Variants in ECT2 observed in about 807,000 individuals in gnomAD.
ECT2 encodes epithelial cell transforming 2, also known as protein ECT2.
In ECT2, 61 loss-of-function variants were observed where a neutral mutation model predicts 116.9. The ratio of observed to expected loss-of-function variants is 0.52; its 90% CI spans 0.42 to 0.65. The LOEUF (loss-of-function observed/expected upper bound fraction) is 0.65. Ranked by LOEUF, ECT2 falls within the 30% of genes least tolerant of loss-of-function variation. The pLI is 0.00. For synonymous variants in ECT2, 358 were observed against 346.4 expected, an observed-to-expected ratio of 1.03 and a Z score of -0.37; for missense variants, 937 against 1,078.7, an observed-to-expected ratio of 0.87 and a Z score of 1.84.
At chr3:172,794,405 C>T (rs1160436437) in intron 18 of ECT2, among the ~76,000 whole-genome samples, 3 of 152,116 alleles carry the variant, frequency 2.0e-5, no homozygotes, top group African/African-American at 7.2e-5. Context: ...AATCAGTTGA[C>T]CATAAATGTA....
At position 172,805,716 on chromosome 3, in the gene ECT2, A is replaced by T. The variant is rs1560013978; in HGVS notation, c.2107-15A>T. On this transcript the variant is annotated splice_polypyrimidine_tract_variant and intron_variant, in intron 20 of 24. Coordinates refer to ENST00000392692, the MANE Select transcript of ECT2 (RefSeq NM_001258315.2). ...TCATTTTATTGACTGATACTTTTTT[A>T]TTTTCTATAATCAGATAGCAAGAAA... is the stretch of plus-strand genomic sequence containing the variant. 2.5e-6 allele frequency: 4 copies of T among 1,606,618 alleles called. No individual in the cohort carries two copies. In the Admixed American group the frequency reaches 5.2e-5, roughly 21 times the overall value.
chr3:172,825,398 G>A (rs1730817016), downstream of ECT2, among the ~76,000 whole-genome samples: 1 of 152,100 alleles, frequency 6.6e-6, no homozygotes, highest in African/African-American at 2.4e-5. Flanking sequence ...TAAACTTAGT[G>A]AGGGAGGCAT....
rs1351766958 is a variant in ECT2, at chr3:172,819,443, A to G, written c.2656-705A>G. ...CAGGGATGTAAAACTTAGCAATTTAATAATCACTGTTATCCAGAAGGATTG... is the reference window on the plus strand; with the variant it reads ...CAGGGATGTAAAACTTAGCAATTTAGTAATCACTGTTATCCAGAAGGATTG... On this transcript the variant is annotated intron_variant, in intron 24 of 24. Coordinates refer to ENST00000392692, the MANE Select transcript of ECT2 (RefSeq NM_001258315.2). Among the ~76,000 whole-genome samples, 9 of 152,264 alleles carry G rather than the reference A, an allele frequency of 5.9e-5. No homozygotes were observed. In the East Asian group the frequency reaches 1.4e-3, roughly 23 times the overall value.
At chr3:172,796,233 C>T (rs1394620073) in intron 18 of ECT2, among the ~76,000 whole-genome samples, 1 of 152,062 alleles carries the variant, frequency 6.6e-6, no homozygotes, top group African/African-American at 2.4e-5. Flanking sequence ...TTTATGAAGG[C>T]TGGGCTTTAT....
chr3:172,791,247 C>T (rs933651875), intron 18 of ECT2, among the ~76,000 whole-genome samples: 3 of 151,946 alleles, frequency 2.0e-5, no homozygotes, highest in Non-Finnish European at 2.9e-5. Context: ...TAGCATAATT[C>T]GTAAGGGCCC....
At chr3:172,805,402 G>A (rs916421194) in intron 20 of ECT2, among the ~76,000 whole-genome samples, 19 of 152,126 alleles carry the variant, frequency 1.2e-4, no homozygotes, top group Admixed American at 1.2e-3. Context: ...CTGAATTCTA[G>A]GAGTTTCATT....
At chr3:172,753,452 G>T (rs1716333801) in intron 1 of ECT2, among the ~76,000 whole-genome samples, 1 of 152,130 alleles carries the variant, frequency 6.6e-6, no homozygotes, top group South Asian at 2.1e-4. Flanking sequence ...CTCTTCTTAA[G>T]TCCTGGAAAA....
At chr3:172,785,597 A>G (rs1723473236) in intron 17 of ECT2, among the ~76,000 whole-genome samples, 1 of 152,126 alleles carries the variant, frequency 6.6e-6, no homozygotes, top group African/African-American at 2.4e-5. Flanking sequence ...AGCTAAATCT[A>G]CACTAATATA....
intron 14 of ECT2, among the ~76,000 whole-genome samples, chr3:172,775,847 T>G (rs925376819): frequency 1.3e-5 from 2 of 152,106 alleles, no homozygotes; most frequent in Admixed American, 1.3e-4. Flanking sequence ...CTGACCAGGC[T>G]GGTCTTGAAC....
chr3:172,811,293 A>G (rs1315062237), intron 22 of ECT2, among the ~76,000 whole-genome samples: 1 of 152,192 alleles, frequency 6.6e-6, no homozygotes, highest in African/African-American at 2.4e-5. Context: ...AGTTTCCCCG[A>G]CTTTGCACTT....
Position 172,801,439 on chromosome 3 carries a change from T to C in ECT2, c.1908-1177T>C, listed in dbSNP as rs146087508. 5.3e-5 allele frequency among the ~76,000 whole-genome samples: 8 copies of C among 152,342 alleles called. No homozygotes were observed. The East Asian group carries it at 1.5e-3, about 29-fold the overall frequency. ...TTTTCCACTCTGATTGATATCACTG[T>C]TCCATGCCATATGAGCACTGAGCAC... is the stretch of plus-strand genomic sequence containing the variant. On this transcript the variant is annotated intron_variant, in intron 18 of 24. Transcript: ENST00000392692.
chr3:172,788,972 C>T (rs1343500428), intron 18 of ECT2, among the ~76,000 whole-genome samples: 1 of 149,300 alleles, frequency 6.7e-6, no homozygotes. Flanking sequence ...GCATGAGAAT[C>T]GCTGGAACCC....
intron 21 of ECT2, chr3:172,806,075 A>G (rs772529346): frequency 2.0e-6 from 1 of 491,358 alleles, no homozygotes; most frequent in South Asian, 3.2e-5. Flanking sequence ...TGAAAGTACT[A>G]TCTCAACCTA....
chr3:172,794,714 ATAT>A (rs1442985179), intron 18 of ECT2, among the ~76,000 whole-genome samples: 9 of 152,014 alleles, frequency 5.9e-5, no homozygotes, highest in East Asian at 5.8e-4. Context: ...TATCTTAGCA[ATAT>A]TATTATTATT....
At chr3:172,772,068 T>G (rs1720763446) in intron 13 of ECT2, among the ~76,000 whole-genome samples, 1 of 151,548 alleles carries the variant, frequency 6.6e-6, no homozygotes, top group Non-Finnish European at 1.5e-5. Flanking sequence ...CAATCTTGAT[T>G]TGGCTCACTG....
At chr3:172,806,607 T>G (rs1483854557) in intron 21 of ECT2, among the ~76,000 whole-genome samples, 1 of 151,304 alleles carries the variant, frequency 6.6e-6, no homozygotes, top group Middle Eastern at 3.2e-3. Flanking sequence ...CTTTTTTTTT[T>G]TTTTTTCCTT....
At chr3:172,774,296 C>T (rs540026145) in intron 14 of ECT2, among the ~76,000 whole-genome samples, 2 of 152,258 alleles carry the variant, frequency 1.3e-5, no homozygotes, top group East Asian at 1.9e-4. Context: ...CACCTGGGCT[C>T]AAGCAATTCT....
At chr3:172,799,938 A>G (rs1022015507) in intron 18 of ECT2, among the ~76,000 whole-genome samples, 6 of 152,216 alleles carry the variant, frequency 3.9e-5, no homozygotes, top group Admixed American at 3.9e-4. Flanking sequence ...CTGCCCTGAG[A>G]AAATTTTCCT....
chr3:172,777,939 TAGG>T (rs1474443843), intron 14 of ECT2, among the ~76,000 whole-genome samples: 11 of 152,198 alleles, frequency 7.2e-5, no homozygotes, highest in African/African-American at 2.7e-4. Flanking sequence ...CAGAGATTGA[TAGG>T]AGTTCTTTTT....
Sources: allele counts gnomAD v4.1 joint callset (sites outside exome capture counted in the v4.1 genomes callset), GRCh38; gene constraint gnomAD v4.1.1; transcripts MANE v1.5; gene names NCBI Gene and HGNC (gene_info 2026-07-23, HGNC 2026-07-21).